The following DENND5B variants were observed in gnomAD, a reference collection of about 807,000 sequenced individuals.
The protein encoded by DENND5B is DENN domain containing 5B, also known as DENN domain-containing protein 5B.
In DENND5B, 34 loss-of-function variants were observed where a neutral mutation model predicts 140.6. The ratio of observed to expected loss-of-function variants is 0.24; its 90% CI spans 0.18 to 0.32. The LOEUF (loss-of-function observed/expected upper bound fraction) is 0.32, where lower values mean the gene tolerates loss of function less well. DENND5B is among the 10% of genes least tolerant of loss of function. The probability of loss-of-function intolerance (pLI) is 1.00; values close to 1 mark genes in which losing one functional copy is unlikely to be tolerated. For missense variants in DENND5B, 1,142 were observed against 1,560.2 expected, an observed-to-expected ratio of 0.73 and a Z score of 4.52; for synonymous variants, 551 against 562.1, an observed-to-expected ratio of 0.98 and a Z score of 0.28.
At position 31,383,507 on chromosome 12, in the gene DENND5B, G is replaced by A. The variant is rs1940721480; in HGVS notation, c.*4096C>T. 1 of 152,122 alleles carries A rather than the reference G, an allele frequency of 6.6e-6. No individual in the cohort carries two copies. The highest frequency in any genetic ancestry group is 2.4e-5 in the African/African-American group (1 of 41,414). 9.4% of individuals were successfully genotyped at this position (152,122 alleles called of 1,614,324 possible). On this transcript the variant is annotated 3_prime_UTR_variant, in exon 21 of 21. Transcript: ENST00000389082. ...TAATTTTTTAAAAAGCCATGTGAAA[G>A]TAAATACCACAAGGTTACAAAAGGT...
Position 31,550,241 on chromosome 12 carries a change from T to A in DENND5B, c.127+40465A>T, listed in dbSNP as rs1487664878. On this transcript the variant is annotated intron_variant, in intron 1 of 20. Transcript: ENST00000389082. ...CCCCCCACCCCACAACAGTCCCCAG[T>A]GTGTGATGTTCCCCTTCCTGTGTCC... Among the ~76,000 whole-genome samples, 10 of 111,116 alleles carry A rather than the reference T, an allele frequency of 9.0e-5. No individual in the cohort carries two copies. In the South Asian group the frequency reaches 2.0e-3, roughly 22 times the overall value. The allele number at this position is 111,116 out of a possible 152,430, so 72.9% of individuals were successfully genotyped here. A position where few individuals can be genotyped will look rare whatever the true frequency, so the allele number is the denominator to read the frequency against.
rs550000344 is a variant in DENND5B at position 31,471,871 on chromosome 12, C to T, written c.904+7718G>A. Among the ~76,000 whole-genome samples, 634 of 152,232 alleles carry T rather than the reference C, an allele frequency of 4.2e-3. 5 individuals carry two copies. Among genetic ancestry groups the T allele is most frequent in the African/African-American group, 0.014 (576 of 41,544 alleles). On this transcript the variant is annotated intron_variant, in intron 3 of 20. Transcript: ENST00000389082. ...TTTATCCAATCCTTGAGGGACCAGC[C>T]AGTCTCAAGGACTGGATAAAAGCTA...
At chr12:31,576,502 A>G (rs1215517887) in intron 1 of DENND5B, among the ~76,000 whole-genome samples, 2 of 152,072 alleles carry the variant, frequency 1.3e-5, no homozygotes, top group East Asian at 3.9e-4. Flanking sequence ...CAGAGAAAAG[A>G]GAGAAAGAAA....
At chr12:31,398,454 A>G in intron 16 of DENND5B, 92 bp from the exon 17 acceptor site, 2 of 1,204,204 alleles carry the variant, frequency 1.7e-6, no homozygotes, top group Non-Finnish European at 1.1e-6. Context: ...ACAGGTGTGC[A>G]CCACCACACC....
intron 1 of DENND5B, among the ~76,000 whole-genome samples, chr12:31,525,166 G>A (rs987919271): frequency 2.0e-5 from 3 of 152,148 alleles, no homozygotes; most frequent in Non-Finnish European, 2.9e-5. Flanking sequence ...GAAAAAGTCT[G>A]CTAATTCTTC....
intron 3 of DENND5B, among the ~76,000 whole-genome samples, chr12:31,464,677 C>A (rs558262475): frequency 6.6e-6 from 1 of 152,310 alleles, no homozygotes; most frequent in Non-Finnish European, 1.5e-5. Context: ...TCTCATGCCT[C>A]AGCCTCCCGA....
chr12:31,519,758 A>G (rs950209166), intron 1 of DENND5B, among the ~76,000 whole-genome samples: 1 of 152,232 alleles, frequency 6.6e-6, no homozygotes, highest in African/African-American at 2.4e-5. Context: ...GCAACAGATA[A>G]GCATGCTTCA....
chr12:31,553,699 A>C (rs1176924115), intron 1 of DENND5B, among the ~76,000 whole-genome samples: 2 of 152,180 alleles, frequency 1.3e-5, no homozygotes, highest in African/African-American at 2.4e-5. Context: ...TGGGAGTCTA[A>C]GTCACTTTGT....
At chr12:31,543,524 G>A (rs1948755834) in intron 1 of DENND5B, among the ~76,000 whole-genome samples, 1 of 152,140 alleles carries the variant, frequency 6.6e-6, no homozygotes, top group Admixed American at 6.5e-5. Context: ...AACATACTGT[G>A]CTACCATTTT....
intron 1 of DENND5B, among the ~76,000 whole-genome samples, chr12:31,567,572 A>G (rs938629651): frequency 6.8e-6 from 1 of 146,562 alleles, no homozygotes; most frequent in African/African-American, 2.5e-5. Flanking sequence ...TCCCCACTTC[A>G]AATCTCGTCC....
chr12:31,458,827 A>T (rs1231865974), intron 4 of DENND5B, among the ~76,000 whole-genome samples: 1 of 152,200 alleles, frequency 6.6e-6, no homozygotes, highest in East Asian at 1.9e-4. Context: ...AATGTAATTA[A>T]TCATCTTATG....
intron 2 of DENND5B, among the ~76,000 whole-genome samples, chr12:31,493,597 A>T (rs1414696343): frequency 2.0e-5 from 3 of 152,124 alleles, no homozygotes; most frequent in African/African-American, 7.2e-5. Flanking sequence ...GGGAGGCTGA[A>T]GGAGGGCAGA....
At chr12:31,403,598 A>AC (rs1226486268) in intron 14 of DENND5B, among the ~76,000 whole-genome samples, 1 of 142,156 alleles carries the variant, frequency 7.0e-6, no homozygotes, top group African/African-American at 2.7e-5. Flanking sequence ...GCCTCAGAAA[A>AC]AAAAAAGAAA....
At chr12:31,494,781 T>G (rs1459508111) in intron 2 of DENND5B, among the ~76,000 whole-genome samples, 1 of 152,180 alleles carries the variant, frequency 6.6e-6, no homozygotes, top group Non-Finnish European at 1.5e-5. Context: ...GGCCATTACT[T>G]CATTTACATA....
chr12:31,452,357 C>T lies in DENND5B; in HGVS notation c.1212G>A (p.Gly404=), dbSNP rs752632600. The change falls in exon 5 of 21, where the codon GGG becomes GGA. Residue 404 remains glycine (G), a synonymous_variant. Coordinates refer to ENST00000389082, the MANE Select transcript of DENND5B (RefSeq NM_144973.4). Reference sequence around the variant, plus strand: ...AATGTAGGCTGCCCTCAGGAGGGATCCCAAATTGAACAAGAACCTCAGAGA... The same window carrying T: ...AATGTAGGCTGCCCTCAGGAGGGATTCCAAATTGAACAAGAACCTCAGAGA... ...QELSEVLVQF[G]IPPEGSLHCS... 1.9e-6 allele frequency: 3 copies of T among 1,613,914 alleles called. No homozygotes were observed. In the South Asian group the frequency reaches 3.3e-5, roughly 18 times the overall value.
intron 1 of DENND5B, among the ~76,000 whole-genome samples, chr12:31,562,108 A>G (rs1238331514): frequency 6.6e-6 from 1 of 152,218 alleles, no homozygotes; most frequent in African/African-American, 2.4e-5. Flanking sequence ...TAGAGATGAT[A>G]AACTATTATG....
chr12:31,567,698 C>A (rs1303308127), intron 1 of DENND5B, among the ~76,000 whole-genome samples: 2 of 151,812 alleles, frequency 1.3e-5, no homozygotes, highest in Non-Finnish European at 2.9e-5. Flanking sequence ...GCAGTCCCAG[C>A]TACTTGGGAG....
At chr12:31,532,775 C>G (rs1948333827) in intron 1 of DENND5B, among the ~76,000 whole-genome samples, 1 of 152,102 alleles carries the variant, frequency 6.6e-6, no homozygotes, top group Admixed American at 6.6e-5. Context: ...CCAACTTGTT[C>G]AAAAACGGAA....
chr12:31,506,159 A>G (rs185270680), intron 1 of DENND5B: 2 of 152,350 alleles, frequency 1.3e-5, no homozygotes, highest in African/African-American at 4.8e-5. Flanking sequence ...GTAAGAGTAC[A>G]TCAACATCAA....
Sources: gnomAD v4.1 joint callset for allele counts (sites outside exome capture counted in the v4.1 genomes callset) on GRCh38, gnomAD v4.1.1 for gene constraint, MANE v1.5 for transcripts, NCBI Gene and HGNC (gene_info 2026-07-23, HGNC 2026-07-21) for gene names.